The following PTK2 variants were observed in gnomAD, a reference collection of about 807,000 sequenced individuals.
The protein encoded by PTK2 is focal adhesion kinase 1.
In PTK2, 45 loss-of-function variants were observed where a neutral mutation model predicts 150.1. The observed-to-expected ratio is 0.30, with a 90% confidence interval of 0.24 to 0.38. PTK2 has a LOEUF of 0.38. Ranked by LOEUF, PTK2 falls within the 10% of genes least tolerant of loss-of-function variation. PTK2 has a pLI of 1.00. For missense variants in PTK2, 919 were observed against 1,307.3 expected, an observed-to-expected ratio of 0.70 and a Z score of 4.58; for synonymous variants, 432 against 449.2, an observed-to-expected ratio of 0.96 and a Z score of 0.48.
chr8:140,708,526 T>C (rs374510581), intron 23 of PTK2, among the ~76,000 whole-genome samples: 4 of 152,180 alleles, frequency 2.6e-5, no homozygotes, highest in East Asian at 1.9e-4. Context: ...CCTGCTATTA[T>C]GAGCTGTTAA....
intron 7 of PTK2, among the ~76,000 whole-genome samples, chr8:140,845,973 G>C (rs1488621445): frequency 1.3e-5 from 2 of 151,916 alleles, no homozygotes; most frequent in Non-Finnish European, 2.9e-5. Context: ...CAATTTATAG[G>C]CAGCTGTAGA....
At chr8:140,814,387 T>C (rs180960774) in intron 10 of PTK2, among the ~76,000 whole-genome samples, 35 of 152,278 alleles carry the variant, frequency 2.3e-4, no homozygotes, top group Admixed American at 2.2e-3. Flanking sequence ...TTGATGAACA[T>C]AGATGCAAAA....
rs533943212 is a variant in PTK2, at chr8:140,721,452, G to A, written c.2031-3743C>T. On this transcript the variant is annotated intron_variant, in intron 22 of 31. Coordinates refer to ENST00000522684, the Ensembl canonical transcript of PTK2. ...AGGTAATATAGCTTCACCCAGTCCT[G>A]AGAATTTACCAATGAAAATGTGGGA... is the stretch of plus-strand genomic sequence containing the variant. Among the ~76,000 whole-genome samples the A allele has an allele frequency of 2.0e-5, 3 of 152,274 alleles. No homozygotes were observed. The South Asian group carries it at 6.2e-4, about 32-fold the overall frequency.
chr8:140,724,300 G>A (rs1018145485), intron 22 of PTK2, among the ~76,000 whole-genome samples: 7 of 152,096 alleles, frequency 4.6e-5, no homozygotes, highest in Non-Finnish European at 7.4e-5. Flanking sequence ...CTAAGTAAAC[G>A]TTAATTAGCT....
intron 29 of PTK2, among the ~76,000 whole-genome samples, chr8:140,670,485 AACAACAC>A (rs1371637367): frequency 4.1e-4 from 15 of 36,968 alleles, no homozygotes; most frequent in African/African-American, 1.3e-3. Context: ...AAAAAAAAAC[AACAACAC>A]ACACACACAC....
intron 14 of PTK2, among the ~76,000 whole-genome samples, chr8:140,772,033 C>T (rs535064244): frequency 9.3e-4 from 142 of 152,000 alleles, no homozygotes; most frequent in African/African-American, 3.1e-3. Flanking sequence ...AGGTGATCTG[C>T]GCACACTGGC....
At chr8:140,867,280 A>G (rs1299032408) in intron 4 of PTK2, among the ~76,000 whole-genome samples, 2 of 152,182 alleles carry the variant, frequency 1.3e-5, no homozygotes, top group Non-Finnish European at 2.9e-5. Flanking sequence ...AGGAGGAGAC[A>G]GCAAGATTCT....
chr8:140,979,929 A>T (rs1399780083), intron 1 of PTK2, among the ~76,000 whole-genome samples: 1 of 152,162 alleles, frequency 6.6e-6, no homozygotes, highest in Non-Finnish European at 1.5e-5. Flanking sequence ...CCAGTCTCGG[A>T]TATGTCTTTA....
At chr8:140,920,962 A>C (rs889562219) in intron 2 of PTK2, 24 of 1,407,152 alleles carry the variant, frequency 1.7e-5, no homozygotes, top group Non-Finnish European at 2.1e-5. Context: ...ACAAAGTCCC[A>C]GTTCCTCGCT....
intron 14 of PTK2, among the ~76,000 whole-genome samples, chr8:140,779,090 G>A (rs149940458): frequency 0.017 from 2,545 of 151,628 alleles, 69 homozygotes; most frequent in African/African-American, 0.057. Flanking sequence ...GTGAAACCCC[G>A]TCGCTACTAA....
intron 23 of PTK2, among the ~76,000 whole-genome samples, chr8:140,715,179 T>A (rs957421037): frequency 7.5e-6 from 1 of 132,728 alleles, no homozygotes; most frequent in Admixed American, 7.8e-5. Context: ...TTTTTTTTTT[T>A]TTTTTTTTTT....
At chr8:140,767,021 G>C (rs1417068218) in intron 14 of PTK2, among the ~76,000 whole-genome samples, 1 of 152,150 alleles carries the variant, frequency 6.6e-6, no homozygotes, top group Non-Finnish European at 1.5e-5. Flanking sequence ...TGGCAGTTGA[G>C]GATTTAGGAT....
chr8:140,804,228 C>CTTTTT (rs11449247), intron 10 of PTK2, among the ~76,000 whole-genome samples: 1 of 147,212 alleles, frequency 6.8e-6, no homozygotes. Context: ...TTGGCTTCTT[C>CTTTTT]TTTTTTTTTT....
At chr8:140,686,528 C>T in intron 27 of PTK2, 104 bp downstream of exon 30, 3 of 887,342 alleles carry the variant, frequency 3.4e-6, no homozygotes, top group Non-Finnish European at 3.7e-6. Context: ...ATATTCTGTT[C>T]CCTATTACAA....
intron 12 of PTK2, among the ~76,000 whole-genome samples, chr8:140,796,319 T>C (rs1209588892): frequency 6.6e-6 from 1 of 152,170 alleles, no homozygotes; most frequent in Non-Finnish European, 1.5e-5. Context: ...AACATCTATT[T>C]CAAGCAAAAT....
At chr8:140,892,581 G>A (rs1429045026) in intron 2 of PTK2, 2 of 458,140 alleles carry the variant, frequency 4.4e-6, no homozygotes, top group Non-Finnish European at 8.6e-6. Context: ...CCCTCTGTTG[G>A]TATCAAACAA....
chr8:140,700,989 G>A lies in PTK2; in HGVS notation c.2401C>T (p.Gln801Ter), dbSNP rs1402400218. 1 of 1,613,862 alleles carries A rather than the reference G, an allele frequency of 6.2e-7. No individual in the cohort carries two copies. Among genetic ancestry groups the A allele is most frequent in the African/African-American group, 1.3e-5 (1 of 74,908 alleles). Residue 801 changes from glutamine (Q) to a stop codon, truncating the protein, a stop_gained, in exon 26 of 32, where the codon CAA (glutamine) becomes TAA (stop). Coordinates refer to ENST00000522684, the Ensembl canonical transcript of PTK2. LOFTEE classifies it high-confidence loss of function. ...TCCATCAGATGGGTTGGCAACACTT[G>A]CCCAATCCCTCGCAGGTCCAATACT... is the stretch of plus-strand genomic sequence containing the variant.
intron 1 of PTK2, among the ~76,000 whole-genome samples, chr8:140,929,451 G>T (rs560822906): frequency 6.6e-6 from 1 of 152,102 alleles, no homozygotes; most frequent in Non-Finnish European, 1.5e-5. Context: ...ACTGACTAAG[G>T]GCTTATATTG....
At chr8:140,850,674 G>A (rs1157062704) in intron 5 of PTK2, among the ~76,000 whole-genome samples, 1 of 152,074 alleles carries the variant, frequency 6.6e-6, no homozygotes. Context: ...AGCTTGCAGT[G>A]AGCCGTGATC....
Sources: gnomAD v4.1 joint callset for allele counts (sites outside exome capture counted in the v4.1 genomes callset) on GRCh38, gnomAD v4.1.1 for gene constraint, MANE v1.5 for transcripts, NCBI Gene and HGNC (gene_info 2026-07-23, HGNC 2026-07-21) for gene names.